The following MYBL2 variants were observed in gnomAD, a reference collection of about 807,000 sequenced individuals.
The protein encoded by MYBL2 is myb-related protein B.
Under a neutral mutation model 79.9 loss-of-function variants are expected in MYBL2, and 28 were observed. That is an observed-to-expected ratio of 0.35 (90% CI 0.26 to 0.48). The LOEUF is 0.48. Among genes scored for constraint, MYBL2 ranks in the 20% least tolerant of loss-of-function variants. The probability of loss-of-function intolerance (pLI) is 0.99; values close to 1 mark genes in which losing one functional copy is unlikely to be tolerated. For missense variants in MYBL2, 735 were observed against 893.9 expected (o/e 0.82, Z 2.27); for synonymous variants, 378 against 361.2 (o/e 1.05, Z -0.53).
intron 1 of MYBL2, chr20:43,673,581 G>A (rs1986919460): frequency 4.6e-5 from 28 of 602,608 alleles, no homozygotes; most frequent in South Asian, 3.9e-4. Flanking sequence ...AGGCTGCAGT[G>A]AGCTACGATC....
chr20:43,673,587 C>T (rs1326900453), intron 1 of MYBL2: 26 of 614,018 alleles, frequency 4.2e-5, no homozygotes, highest in Admixed American at 3.6e-4. Context: ...CAGTGAGCTA[C>T]GATCATGCCA....
intron 2 of MYBL2, among the ~76,000 whole-genome samples, chr20:43,680,429 G>A (rs1987116493): frequency 6.6e-6 from 1 of 152,222 alleles, no homozygotes; most frequent in Non-Finnish European, 1.5e-5. Flanking sequence ...CATCCATGCT[G>A]TAGCATGTGT....
rs999789379 is a variant in MYBL2 at position 43,682,732 on chromosome 20, G to A, written c.187-62G>A. 3 of 1,523,176 alleles carry A rather than the reference G, an allele frequency of 2.0e-6. No individual in the cohort carries two copies. In the African/African-American group the frequency reaches 4.1e-5, roughly 21 times the overall value. 94.4% of individuals were successfully genotyped at this position (1,523,176 alleles called of 1,614,324 possible). ...GCCCCTGAGCCTAGTACTTAACCAG[G>A]CCCCCAGCCCGAGGTCCCAGAAGTT... is the stretch of plus-strand genomic sequence containing the variant. On this transcript the variant is annotated intron_variant, in intron 3 of 13. Coordinates refer to ENST00000217026, the MANE Select transcript of MYBL2 (RefSeq NM_002466.4).
chr20:43,680,606 T>TCC (rs1987120809), intron 2 of MYBL2, among the ~76,000 whole-genome samples: 1 of 152,188 alleles, frequency 6.6e-6, no homozygotes, highest in Non-Finnish European at 1.5e-5. Context: ...CAAGCAATTC[T>TCC]TCCTCATCCT....
intron 6 of MYBL2, among the ~76,000 whole-genome samples, chr20:43,695,058 CAG>C (rs1225292498): frequency 6.9e-6 from 1 of 143,982 alleles, no homozygotes; most frequent in Non-Finnish European, 1.5e-5. Context: ...TTTTTGGAGA[CAG>C]AGTCTTGCTC....
intron 11 of MYBL2, 109 bp downstream of exon 11, chr20:43,711,710 G>C: frequency 2.1e-6 from 2 of 940,440 alleles, no homozygotes; most frequent in Non-Finnish European, 3.2e-6. Flanking sequence ...GAGAATGGGG[G>C]CGTAGCATAT....
chr20:43,691,205 T>C (rs763927963), intron 5 of MYBL2, among the ~76,000 whole-genome samples: 15 of 152,190 alleles, frequency 9.9e-5, no homozygotes, highest in Non-Finnish European at 2.2e-4. Flanking sequence ...TCAGTGGAAA[T>C]GAGCAGACAG....
At chr20:43,690,506 G>A (rs542102318) in intron 5 of MYBL2, among the ~76,000 whole-genome samples, 5 of 152,072 alleles carry the variant, frequency 3.3e-5, no homozygotes, top group African/African-American at 1.2e-4. Context: ...CAGCATGCCC[G>A]GCAGCTGGGG....
chr20:43,698,980 G>A (rs115800730), intron 6 of MYBL2, among the ~76,000 whole-genome samples: 110 of 152,064 alleles, frequency 7.2e-4, no homozygotes, highest in African/African-American at 2.4e-3. Context: ...TAGAGTTACA[G>A]GCATAAGCCA....
intron 2 of MYBL2, among the ~76,000 whole-genome samples, chr20:43,678,009 A>G (rs1301252425): frequency 6.6e-6 from 1 of 152,216 alleles, no homozygotes; most frequent in Non-Finnish European, 1.5e-5. Flanking sequence ...TCTTACCCCC[A>G]ACCCTGTGCT....
chr20:43,716,302 C>T lies in MYBL2; in HGVS notation c.*215C>T, dbSNP rs907548392. ...TCCTGGTGCTAACAACAAAGTTCCA[C>T]TTCCAGGTCTGCCTGGTTCCCTCCC... is the stretch of plus-strand genomic sequence containing the variant. On this transcript the variant is annotated 3_prime_UTR_variant, in exon 14 of 14. Coordinates refer to ENST00000217026, the MANE Select transcript of MYBL2 (RefSeq NM_002466.4). 1.5e-6 allele frequency: 1 copy of T among 651,410 alleles called. No individual in the cohort carries two copies. The highest frequency in any genetic ancestry group is 3.4e-5 in the Admixed American group (1 of 29,086). 40.4% of individuals were successfully genotyped at this position (651,410 alleles called of 1,614,324 possible). A position where few individuals can be genotyped will look rare whatever the true frequency, so the allele number is the denominator to read the frequency against.
rs1342785734 is a variant in MYBL2 at position 43,683,775 on chromosome 20, T to C, written c.279+889T>C. Reference sequence around the variant, plus strand: ...TTCACCATGTTGGTCAGGCTGGTCTTGAACTCCTGACCTCGTGATCTACCC... The same window carrying C: ...TTCACCATGTTGGTCAGGCTGGTCTCGAACTCCTGACCTCGTGATCTACCC... On this transcript the variant is annotated intron_variant, in intron 4 of 13. Transcript: ENST00000217026. Among the ~76,000 whole-genome samples, 3 of 151,902 alleles carry C rather than the reference T, an allele frequency of 2.0e-5. No individual in the cohort carries two copies. The East Asian group carries it at 5.8e-4, about 29-fold the overall frequency.
At chr20:43,686,644 A>G (rs1477910597) in intron 4 of MYBL2, among the ~76,000 whole-genome samples, 2 of 152,158 alleles carry the variant, frequency 1.3e-5, no homozygotes, top group African/African-American at 2.4e-5. Context: ...AATAAATGAG[A>G]GGGATGCGGT....
At chr20:43,695,047 T>TA (rs1248743127) in intron 6 of MYBL2, among the ~76,000 whole-genome samples, 1 of 151,308 alleles carries the variant, frequency 6.6e-6, no homozygotes, top group Non-Finnish European at 1.5e-5. Context: ...ATTTTTTTTT[T>TA]TTTTTGGAGA....
intron 5 of MYBL2, among the ~76,000 whole-genome samples, chr20:43,688,771 A>G (rs2145719319): frequency 6.6e-6 from 1 of 151,284 alleles, no homozygotes; most frequent in Middle Eastern, 3.4e-3. Context: ...TTGTGGTTTC[A>G]ATAGCTTACT....
intron 5 of MYBL2, among the ~76,000 whole-genome samples, chr20:43,690,491 G>T (rs901712046): frequency 7.2e-5 from 11 of 152,116 alleles, no homozygotes; most frequent in Non-Finnish European, 1.2e-4. Flanking sequence ...AGTAGAAGCC[G>T]TCGGCAGCAT....
intron 2 of MYBL2, among the ~76,000 whole-genome samples, chr20:43,681,448 C>T (rs1050551758): frequency 6.6e-6 from 1 of 152,314 alleles, no homozygotes; most frequent in Admixed American, 6.5e-5. Flanking sequence ...ATCTGTTTTG[C>T]TTCCTCCATT....
intron 6 of MYBL2, among the ~76,000 whole-genome samples, chr20:43,695,720 C>G (rs1987524570): frequency 7.1e-6 from 1 of 141,654 alleles, no homozygotes; most frequent in Non-Finnish European, 1.5e-5. Context: ...GTGGCACACA[C>G]CTGTAGTTCC....
intron 1 of MYBL2, among the ~76,000 whole-genome samples, chr20:43,671,246 C>G (rs537766897): frequency 1.5e-4 from 23 of 152,174 alleles, no homozygotes; most frequent in African/African-American, 5.5e-4. Context: ...ACCTCCGCCT[C>G]CTGGGTTCAA....
Sources: allele counts gnomAD v4.1 joint callset (sites outside exome capture counted in the v4.1 genomes callset), GRCh38; gene constraint gnomAD v4.1.1; transcripts MANE v1.5; gene names NCBI Gene and HGNC (gene_info 2026-07-23, HGNC 2026-07-21).